Variants in RALGPS2 observed in about 807,000 individuals in gnomAD.
RALGPS2 encodes ras-specific guanine nucleotide-releasing factor RalGPS2.
A neutral mutation model predicts 86.8 loss-of-function variants in RALGPS2; 43 were observed. The observed-to-expected ratio is 0.50, with a 90% CI of 0.39 to 0.64. The LOEUF (loss-of-function observed/expected upper bound fraction) is 0.64. RALGPS2 is among the 30% of genes least tolerant of loss of function. The pLI is 0.00. For missense variants in RALGPS2, 536 were observed against 694.6 expected (o/e 0.77, Z 2.57); for synonymous variants, 243 against 231.3 (o/e 1.05, Z -0.46).
intron 8 of RALGPS2, among the ~76,000 whole-genome samples, 161 bp from the exon 9 acceptor site, chr1:178,877,337 A>G (rs1659046862): frequency 6.6e-6 from 1 of 152,092 alleles, no homozygotes; most frequent in Non-Finnish European, 1.5e-5. Context: ...GCTAGGCCCC[A>G]GTAACCATAT....
At chr1:178,754,639 C>T (rs1279813860) in intron 1 of RALGPS2, among the ~76,000 whole-genome samples, 2 of 152,214 alleles carry the variant, frequency 1.3e-5, no homozygotes, top group East Asian at 3.8e-4. Context: ...TCTACTAATC[C>T]AGGTTTTTAT....
chr1:178,885,091 C>A lies in RALGPS2; in HGVS notation c.920C>A (p.Ala307Glu). Reference protein sequence around the residue: ...REDLVGPEVGASPQSGRKSVA... With the variant: ...REDLVGPEVGESPQSGRKSVA... ...TAACCCTTAGGTCCTGAAGTAGGAG[C>A]GTCTCCACAGAGTGGACGAAAAAGT... Residue 307 changes from alanine to glutamate, a missense_variant, in exon 12 of 20, where the codon GCG becomes GAG. Ala to Glu is a moderately radical substitution (Grantham distance 107, BLOSUM62 -1). Around this residue, in one of 3 missense-constraint regions of RALGPS2, gnomAD observed 309 missense variants for 363.0 expected, o/e 0.85. Transcript: ENST00000367635. 1 of 1,592,130 alleles carries A rather than the reference C, an allele frequency of 6.3e-7. No individual in the cohort carries two copies. Among genetic ancestry groups the A allele is most frequent in the Non-Finnish European group, 8.5e-7 (1 of 1,174,306 alleles).
chr1:178,837,715 G>A (rs12757429), intron 8 of RALGPS2, among the ~76,000 whole-genome samples: 34,869 of 109,082 alleles, frequency 0.32, 4,708 homozygotes, highest in Non-Finnish European at 0.39. Flanking sequence ...CCACCGAGCC[G>A]AAGCAGGGCG....
At chr1:178,886,942 G>A (rs946706199) in intron 13 of RALGPS2, among the ~76,000 whole-genome samples, 1 of 152,172 alleles carries the variant, frequency 6.6e-6, no homozygotes, top group Non-Finnish European at 1.5e-5. Context: ...ACCTTGATAA[G>A]AGTTGCTTCA....
chr1:178,734,651 C>T (rs917343834), intron 1 of RALGPS2, among the ~76,000 whole-genome samples: 1 of 152,094 alleles, frequency 6.6e-6, no homozygotes, highest in Non-Finnish European at 1.5e-5. Context: ...AGGGATATAC[C>T]AAGTATTTGT....
In RALGPS2 at chr1:178,920,771, A is replaced by G. The variant is rs1187514786; in HGVS notation, c.*4412A>G. 6.6e-6 allele frequency: 1 copy of G among 152,042 alleles called. No individual in the cohort carries two copies. Among genetic ancestry groups the G allele is most frequent in the Admixed American group, 6.6e-5 (1 of 15,260 alleles). The allele number at this position is 152,042 out of a possible 1,614,324, so 9.4% of individuals were successfully genotyped here. A position where few individuals can be genotyped will look rare whatever the true frequency, so the allele number is the denominator to read the frequency against. On this transcript the variant is annotated 3_prime_UTR_variant, in exon 20 of 20. Coordinates refer to ENST00000367635, the MANE Select transcript of RALGPS2 (RefSeq NM_152663.5). The stretch of plus-strand genomic sequence containing the variant: ...AAAAGCCCTAAAAGAATAAGATACA[A>G]CCAGAAATATTTGAGTTTTGTTAAA...
intron 1 of RALGPS2, among the ~76,000 whole-genome samples, chr1:178,730,706 GT>G (rs540414287): frequency 1.2e-4 from 16 of 131,280 alleles, no homozygotes; most frequent in East Asian, 2.2e-4. Context: ...TTTTTTTTTT[GT>G]TTTTTTTTTT....
rs140026520 is a variant in RALGPS2 at position 178,806,294 on chromosome 1, C to T, written c.214-1751C>T. ...TGATATTTGTGTTGGATATAGAATT[C>T]TAGAAAATTGAATTCTTCAAAATTG... On this transcript the variant is annotated intron_variant, in intron 4 of 19. Transcript: ENST00000367635. 1.2e-3 allele frequency among the ~76,000 whole-genome samples: 183 copies of T among 152,202 alleles called. 1 individual carries two copies. The highest frequency in any genetic ancestry group is 3.4e-3 in the Middle Eastern group (1 of 294).
chr1:178,818,739 C>T (rs986923939), intron 6 of RALGPS2, among the ~76,000 whole-genome samples: 1 of 152,192 alleles, frequency 6.6e-6, no homozygotes, highest in Non-Finnish European at 1.5e-5. Flanking sequence ...CTTTGCCTAG[C>T]CTTGTAGAGA....
chr1:178,914,451 G>GC, intron 19 of RALGPS2, among the ~76,000 whole-genome samples: 1 of 152,208 alleles, frequency 6.6e-6, no homozygotes, highest in South Asian at 2.1e-4. Flanking sequence ...ATGAGTCCCA[G>GC]CACTCCACAG....
chr1:178,855,641 T>A (rs1657483802), intron 8 of RALGPS2, among the ~76,000 whole-genome samples: 2 of 151,876 alleles, frequency 1.3e-5, no homozygotes, highest in South Asian at 4.1e-4. Context: ...ATAGTTTTTA[T>A]TTCTCTTTTG....
At chr1:178,862,160 A>C (rs959524508) in intron 8 of RALGPS2, among the ~76,000 whole-genome samples, 1 of 152,146 alleles carries the variant, frequency 6.6e-6, no homozygotes, top group African/African-American at 2.4e-5. Context: ...GGCATGAGCC[A>C]CCATGCCCGG....
Position 178,856,394 on chromosome 1 carries a change from A to ATTTTTTTTTTTTTTTTTTT in RALGPS2, c.608-21090_608-21072dup, listed in dbSNP as rs71108081. On this transcript the variant is annotated intron_variant, in intron 8 of 19. Coordinates refer to ENST00000367635, the MANE Select transcript of RALGPS2 (RefSeq NM_152663.5). ...AGGCAAGTGCCACCCTGCCTGGCTA[A>ATTTTTTTTTTTTTTTTTTT]TTTTTTTTTTTTTTTTTTTTTTTTT... 3.3e-4 allele frequency among the ~76,000 whole-genome samples: 12 copies of ATTTTTTTTTTTTTTTTTTT among 36,430 alleles called. 3 individuals are homozygous for ATTTTTTTTTTTTTTTTTTT. The highest frequency in any genetic ancestry group is 5.8e-4 in the African/African-American group (4 of 6,866). 23.9% of individuals were successfully genotyped at this position (36,430 alleles called of 152,430 possible).
At chr1:178,787,793 T>C (rs868728108) in intron 4 of RALGPS2, among the ~76,000 whole-genome samples, 6 of 152,196 alleles carry the variant, frequency 3.9e-5, no homozygotes, top group African/African-American at 1.4e-4. Flanking sequence ...CACCCCAATG[T>C]AAAATACTGT....
intron 6 of RALGPS2, among the ~76,000 whole-genome samples, chr1:178,819,467 C>G (rs1302700327): frequency 1.3e-5 from 2 of 152,140 alleles, no homozygotes; most frequent in Non-Finnish European, 1.5e-5. Context: ...CCTTCAGTGT[C>G]TCTGCTTTAT....
chr1:178,907,016 G>A, intron 19 of RALGPS2, 149 bp downstream of exon 19: 1 of 718,622 alleles, frequency 1.4e-6, no homozygotes, highest in South Asian at 1.8e-5. Context: ...AGATATGAAG[G>A]TCTACATCTT....
At chr1:178,806,757 CCTGCCCTAACTCGTTCT>C (rs1654768823) in intron 4 of RALGPS2, among the ~76,000 whole-genome samples, 1 of 151,952 alleles carries the variant, frequency 6.6e-6, no homozygotes, top group Non-Finnish European at 1.5e-5. Context: ...TTCTTCGCTC[CCTGCCCTAACTCGTTCT>C]CTGCCCTAAC....
intron 1 of RALGPS2, among the ~76,000 whole-genome samples, chr1:178,731,470 A>G (rs951068009): frequency 2.0e-5 from 3 of 151,450 alleles, no homozygotes; most frequent in South Asian, 4.2e-4. Context: ...TTTGGTAGAG[A>G]TGGTGTTTCA....
At chr1:178,815,865 T>C (rs1292571708) in intron 6 of RALGPS2, among the ~76,000 whole-genome samples, 1 of 152,246 alleles carries the variant, frequency 6.6e-6, no homozygotes, top group Non-Finnish European at 1.5e-5. Context: ...TTACTTGTGG[T>C]TGACTACTCT....
Sources: allele counts gnomAD v4.1 joint callset (sites outside exome capture counted in the v4.1 genomes callset), GRCh38; gene constraint gnomAD v4.1.1; regional missense constraint gnomAD v4.1.1; transcripts MANE v1.5; gene names NCBI Gene and HGNC (gene_info 2026-07-23, HGNC 2026-07-21).